Variants in TRPM8 observed in about 807,000 individuals in gnomAD.
TRPM8 encodes the protein transient receptor potential cation channel subfamily M member 8.
TRPM8 carries 110 observed loss-of-function variants against 133.7 expected under a neutral mutation model. That is an observed-to-expected ratio of 0.82 (90% confidence interval 0.70 to 0.96). TRPM8 has a LOEUF of 0.96. TRPM8 is among the 40% of genes least tolerant of loss of function. The pLI, the probability that TRPM8 is intolerant of heterozygous loss-of-function variation, is 0.00. For missense variants in TRPM8, 1,291 were observed against 1,379.5 expected, an observed-to-expected ratio of 0.94 and a Z score of 1.02; for synonymous variants, 535 against 532.3, an observed-to-expected ratio of 1.01 and a Z score of -0.07.
At chr2:233,997,814 C>G (rs2125357146) in intron 22 of TRPM8, among the ~76,000 whole-genome samples, 1 of 152,276 alleles carries the variant, frequency 6.6e-6, no homozygotes, top group African/African-American at 2.4e-5. Flanking sequence ...CCCTTACAAA[C>G]TGGGGTGCAG....
At position 233,964,613 on chromosome 2, in the gene TRPM8, C is replaced by T. The variant is rs754457788; in HGVS notation, c.1750-15C>T. Reference sequence around the variant, plus strand: ...AAAAAGAATTAACCTTAAAATTCTTCACCCCCCTAAAAAGACCAGGGGCTG... The same window carrying T: ...AAAAAGAATTAACCTTAAAATTCTTTACCCCCCTAAAAAGACCAGGGGCTG... On this transcript the variant is annotated splice_polypyrimidine_tract_variant and intron_variant, in intron 13 of 25. Coordinates refer to ENST00000324695, the MANE Select transcript of TRPM8 (RefSeq NM_024080.5). 1 of 1,307,860 alleles carries T rather than the reference C, an allele frequency of 7.6e-7. No homozygotes were observed. The highest frequency in any genetic ancestry group is 1.5e-5 in the South Asian group (1 of 64,530). 81.0% of individuals were successfully genotyped at this position (1,307,860 alleles called of 1,614,324 possible).
At chr2:233,967,205 T>C (rs1352958689) in intron 15 of TRPM8, among the ~76,000 whole-genome samples, 2 of 152,272 alleles carry the variant, frequency 1.3e-5, no homozygotes, top group Non-Finnish European at 2.9e-5. Context: ...TATTTAGCTA[T>C]TGCTATTGCA....
Position 233,983,105 on chromosome 2 carries a change from T to C in TRPM8, c.2642T>C (p.Phe881Ser), listed in dbSNP as rs1387487704. Residue 881 changes from phenylalanine (F) to serine (S), a missense_variant, in exon 20 of 26, where the codon TTT becomes TCT. By Grantham distance (155) the Phe-to-Ser change is radical. Coordinates refer to ENST00000324695, the MANE Select transcript of TRPM8 (RefSeq NM_024080.5). ...LFLFAVWMVA[F>S]GVARQGILRQ... ...CTCTTTGCGGTGTGGATGGTGGCCTTTGGCGTGGCCAGGCAAGGGATCCTT... is the reference window on the plus strand; with the variant it reads ...CTCTTTGCGGTGTGGATGGTGGCCTCTGGCGTGGCCAGGCAAGGGATCCTT... 1 of 1,614,156 alleles carries C rather than the reference T, an allele frequency of 6.2e-7. No individual in the cohort carries two copies. Among genetic ancestry groups the C allele is most frequent in the Admixed American group, 1.7e-5 (1 of 60,022 alleles).
chr2:233,925,995 T>TAA (rs1018308846), intron 1 of TRPM8, among the ~76,000 whole-genome samples: 2 of 152,088 alleles, frequency 1.3e-5, no homozygotes, highest in Non-Finnish European at 2.9e-5. Context: ...TCTTGGGCGT[T>TAA]AGAGTCTCAG....
chr2:233,977,081 G>A (rs1559538161), intron 17 of TRPM8, among the ~76,000 whole-genome samples: 2 of 152,126 alleles, frequency 1.3e-5, no homozygotes, highest in South Asian at 4.2e-4. Context: ...GCTCTTCCGT[G>A]TGTACCTGTG....
chr2:233,931,159 G>C lies in TRPM8; in HGVS notation c.191+418G>C, dbSNP rs532362239. 1.1e-4 allele frequency among the ~76,000 whole-genome samples: 17 copies of C among 152,284 alleles called. No individual in the cohort carries two copies. In the South Asian group the frequency reaches 1.5e-3, roughly 13 times the overall value. On this transcript the variant is annotated intron_variant, in intron 3 of 25. Coordinates refer to ENST00000324695, the MANE Select transcript of TRPM8 (RefSeq NM_024080.5). ...ACTTTAGGTCTTTCCTTCTAATTGA[G>C]TGTTCATCTGCTCTAAGTCTCATGT...
At chr2:233,962,224 C>T (rs1023629568) in intron 12 of TRPM8, among the ~76,000 whole-genome samples, 3 of 152,138 alleles carry the variant, frequency 2.0e-5, no homozygotes, top group Non-Finnish European at 4.4e-5. Flanking sequence ...TATAGGAAGG[C>T]CCAGTTTCCA....
intron 19 of TRPM8, among the ~76,000 whole-genome samples, chr2:233,982,758 C>T (rs1158594720): frequency 1.3e-5 from 2 of 152,130 alleles, no homozygotes; most frequent in Non-Finnish European, 2.9e-5. Flanking sequence ...AACTTAGATT[C>T]CTCCTTTGCT....
intron 1 of TRPM8, among the ~76,000 whole-genome samples, chr2:233,921,235 C>T (rs556289801): frequency 6.6e-6 from 1 of 152,206 alleles, no homozygotes; most frequent in African/African-American, 2.4e-5. Flanking sequence ...TCAGTAGATT[C>T]GTATAACTAC....
intron 14 of TRPM8, chr2:233,965,892 A>G (rs1166365975): frequency 1.4e-5 from 2 of 146,552 alleles, no homozygotes; most frequent in Non-Finnish European, 1.5e-5. Context: ...CTTGTTGCCC[A>G]GGCCGGAGAA....
intron 3 of TRPM8, 59 bp downstream of exon 3, chr2:233,930,800 C>A: frequency 8.5e-7 from 1 of 1,174,142 alleles, no homozygotes; most frequent in Non-Finnish European, 1.3e-6. Flanking sequence ...TATCAGCCAC[C>A]CTTACAACAA....
chr2:233,999,831 A>G (rs1237644243), intron 22 of TRPM8, among the ~76,000 whole-genome samples: 1 of 152,054 alleles, frequency 6.6e-6, no homozygotes, highest in African/African-American at 2.4e-5. Context: ...AGCTGCATTC[A>G]CCCCTGGAAA....
chr2:233,974,977 T>G (rs1274254676), intron 17 of TRPM8, among the ~76,000 whole-genome samples: 2 of 152,024 alleles, frequency 1.3e-5, no homozygotes, highest in Non-Finnish European at 2.9e-5. Context: ...CAATAGTAAC[T>G]TACTGAATTT....
chr2:233,994,946 G>T (rs1309193636), intron 21 of TRPM8, among the ~76,000 whole-genome samples: 3 of 152,192 alleles, frequency 2.0e-5, no homozygotes, highest in Non-Finnish European at 4.4e-5. Context: ...AATATGCTTT[G>T]TAGTTATCTA....
Position 233,960,888 on chromosome 2 carries a change from T to C in TRPM8, c.1475T>C (p.Val492Ala), listed in dbSNP as rs781672519. 5 of 1,614,218 alleles carry C rather than the reference T, an allele frequency of 3.1e-6. No individual in the cohort carries two copies. Among genetic ancestry groups the C allele is most frequent in the African/African-American group, 1.3e-5 (1 of 75,060 alleles). The change falls in exon 12 of 26, where the codon GTC becomes GCC. Residue 492 changes from valine to alanine, a missense_variant. Physicochemically the swap from Val to Ala is moderately conservative, Grantham distance 64. Transcript: ENST00000324695. ...LNLRKFLTHD[V>A]LTELFSNHFS... Reference sequence around the variant, plus strand: ...CTACGGAAGTTTCTCACCCATGATGTCCTCACTGAACTCTTCTCCAACCAC... The same window carrying C: ...CTACGGAAGTTTCTCACCCATGATGCCCTCACTGAACTCTTCTCCAACCAC...
chr2:233,975,881 C>CAAACA (rs71400708), intron 17 of TRPM8, among the ~76,000 whole-genome samples: 65,655 of 150,560 alleles, frequency 0.44, 14,656 homozygotes, highest in Admixed American at 0.51. Flanking sequence ...GACTCCACCT[C>CAAACA]AAACAAAACA....
chr2:233,985,922 G>T, intron 21 of TRPM8, 57 bp downstream of exon 21: 1 of 1,511,122 alleles, frequency 6.6e-7, no homozygotes, highest in Non-Finnish European at 9.0e-7. Context: ...CCCATGCCAG[G>T]CTGGAGGTGC....
At position 233,964,709 on chromosome 2, in the gene TRPM8, G is replaced by T; in HGVS notation, c.1831G>T (p.Ala611Ser). 2 of 1,613,270 alleles carry T rather than the reference G, an allele frequency of 1.2e-6. No homozygotes were observed. The highest frequency in any genetic ancestry group is 1.7e-4 in the Middle Eastern group (1 of 6,052). ...LAKVKNDINA[A>S]GESEELANEY... ...CAAAGTGAAGAACGACATCAATGCT[G>T]CTGGGGAGTCCGAGGAGCTGGCTAA... is the stretch of plus-strand genomic sequence containing the variant. The change falls in exon 14 of 26, where the codon GCT becomes TCT. Residue 611 changes from alanine to serine, a missense_variant. Ala to Ser is a moderately conservative substitution (Grantham distance 99). This residue lies in a region of TRPM8 where 963 missense variants were observed against 968.9 expected (regional missense o/e 0.99). Coordinates refer to ENST00000324695, the MANE Select transcript of TRPM8 (RefSeq NM_024080.5).
chr2:233,985,948 G>T, intron 21 of TRPM8, 83 bp downstream of exon 21: 1 of 1,325,004 alleles, frequency 7.5e-7, no homozygotes, highest in Non-Finnish European at 1.0e-6. Context: ...GCATCGCAAA[G>T]GTCCCACCCT....
Sources: gnomAD v4.1 joint callset for allele counts (sites outside exome capture counted in the v4.1 genomes callset) on GRCh38, gnomAD v4.1.1 for gene constraint, gnomAD v4.1.1 regional missense constraint, MANE v1.5 for transcripts, NCBI Gene and HGNC (gene_info 2026-07-23, HGNC 2026-07-21) for gene names.